The following EXOC4 variants were observed in gnomAD, a reference collection of about 807,000 sequenced individuals.
EXOC4 encodes exocyst complex component 4.
A neutral mutation model predicts 107.2 loss-of-function variants in EXOC4; 71 were observed. The ratio of observed to expected loss-of-function variants is 0.66; its 90% CI spans 0.55 to 0.81. The LOEUF (loss-of-function observed/expected upper bound fraction) is 0.81. Among genes scored for constraint, EXOC4 ranks in the 30% least tolerant of loss-of-function variants. The pLI is 0.00. For missense variants in EXOC4, 1,108 were observed against 1,189.6 expected (o/e 0.93, Z 1.01); for synonymous variants, 456 against 441.2 (o/e 1.03, Z -0.42).
chr7:133,814,648 A>G (rs1460986648), intron 10 of EXOC4, among the ~76,000 whole-genome samples: 5 of 152,208 alleles, frequency 3.3e-5, no homozygotes, highest in Admixed American at 1.3e-4. Flanking sequence ...TCAGTAATAT[A>G]TGAGAATGCC....
At chr7:133,903,950 G>C (rs115167548) in intron 12 of EXOC4, among the ~76,000 whole-genome samples, 1,746 of 152,282 alleles carry the variant, frequency 0.011, 27 homozygotes, top group African/African-American at 0.04. Context: ...CGGACTGAGT[G>C]ATAAATGTAG....
intron 17 of EXOC4, among the ~76,000 whole-genome samples, chr7:134,033,021 GA>G (rs1795302855): frequency 6.6e-6 from 1 of 152,180 alleles, no homozygotes; most frequent in South Asian, 2.1e-4. Context: ...AACTGAGAAA[GA>G]ATAGGAGGAT....
intron 10 of EXOC4, among the ~76,000 whole-genome samples, chr7:133,789,341 G>A (rs562723192): frequency 5.3e-5 from 8 of 152,276 alleles, no homozygotes; most frequent in South Asian, 2.1e-4. Flanking sequence ...CATTTAGTGC[G>A]ACTTTGCATT....
chr7:133,561,472 G>A (rs1337670312), intron 9 of EXOC4, among the ~76,000 whole-genome samples: 2 of 152,138 alleles, frequency 1.3e-5, no homozygotes, highest in Non-Finnish European at 2.9e-5. Context: ...TGCGGAAAAG[G>A]TCCTGAAAAC....
intron 2 of EXOC4, among the ~76,000 whole-genome samples, chr7:133,282,727 T>C: frequency 6.6e-6 from 1 of 152,330 alleles, no homozygotes; most frequent in East Asian, 1.9e-4. Flanking sequence ...GTGGAATGGC[T>C]AAACCAAGCT....
At chr7:133,627,276 T>C (rs1802478569) in intron 9 of EXOC4, among the ~76,000 whole-genome samples, 1 of 152,160 alleles carries the variant, frequency 6.6e-6, no homozygotes, top group African/African-American at 2.4e-5. Context: ...GGTAGCGCAG[T>C]GTGGCTGAGG....
In EXOC4 at chr7:133,347,317, C is replaced by G. The variant is rs563927898; in HGVS notation, c.764-9013C>G. 7.3e-4 allele frequency among the ~76,000 whole-genome samples: 110 copies of G among 150,718 alleles called. 1 individual carries two copies. The highest frequency in any genetic ancestry group is 2.5e-3 in the African/African-American group (101 of 40,900). On this transcript the variant is annotated intron_variant, in intron 5 of 17. Coordinates refer to ENST00000253861, the MANE Select transcript of EXOC4 (RefSeq NM_021807.4). ...AGAGTGCAGTGGTGCGATCTTGGCT[C>G]ACTGCAACCTCCGCCTCCTGGGTTC...
chr7:134,037,713 C>A (rs1304939841), intron 17 of EXOC4, among the ~76,000 whole-genome samples: 1 of 152,164 alleles, frequency 6.6e-6, no homozygotes, highest in Non-Finnish European at 1.5e-5. Context: ...GTCATCTTTC[C>A]AGTTCCTTCT....
chr7:133,676,541 A>G (rs1362174519), intron 10 of EXOC4, among the ~76,000 whole-genome samples: 2 of 152,032 alleles, frequency 1.3e-5, no homozygotes, highest in Non-Finnish European at 2.9e-5. Context: ...GTCTCTTTTC[A>G]TGTGTAGGAA....
intron 17 of EXOC4, among the ~76,000 whole-genome samples, chr7:134,047,198 A>G (rs6965549): frequency 0.012 from 1,796 of 152,334 alleles, 26 homozygotes; most frequent in African/African-American, 0.04. Flanking sequence ...AAATAGAGGC[A>G]TTAAACTTGC....
chr7:133,582,880 T>C (rs1563116075), intron 9 of EXOC4, among the ~76,000 whole-genome samples: 1 of 151,952 alleles, frequency 6.6e-6, no homozygotes, highest in East Asian at 1.9e-4. Flanking sequence ...TTCATGGGGG[T>C]TTTGAAAAGT....
Position 133,720,096 on chromosome 7 carries a change from A to G in EXOC4, c.1514+89955A>G, listed in dbSNP as rs1386959210. Among the ~76,000 whole-genome samples, 3 of 152,090 alleles carry G rather than the reference A, an allele frequency of 2.0e-5. No individual in the cohort carries two copies. In the East Asian group the frequency reaches 5.8e-4, roughly 29 times the overall value. On this transcript the variant is annotated intron_variant, in intron 10 of 17. Coordinates refer to ENST00000253861, the MANE Select transcript of EXOC4 (RefSeq NM_021807.4). ...TTTTCTCACTGTATTACCAGTTCCT[A>G]TCTCGTTAACTAGAATAGTCTTTCA...
At chr7:134,085,807 CA>C in the EXOC4 span, among the ~76,000 whole-genome samples, 1 of 152,124 alleles carries the variant, frequency 6.6e-6, no homozygotes, top group Non-Finnish European at 1.5e-5. Flanking sequence ...CCAGTTGGGG[CA>C]AATGGGAGCC....
chr7:134,042,153 C>T (rs1795536100), intron 17 of EXOC4, among the ~76,000 whole-genome samples: 1 of 152,122 alleles, frequency 6.6e-6, no homozygotes, highest in Non-Finnish European at 1.5e-5. Flanking sequence ...CAGGAGGATA[C>T]CTGGGAAAAA....
At chr7:133,562,366 C>G (rs867613504) in intron 9 of EXOC4, among the ~76,000 whole-genome samples, 1 of 152,142 alleles carries the variant, frequency 6.6e-6, no homozygotes, top group African/African-American at 2.4e-5. Flanking sequence ...CATGGTGTTG[C>G]TCTGGTTCCT....
intron 4 of EXOC4, among the ~76,000 whole-genome samples, chr7:133,308,585 T>C (rs772283634): frequency 6.6e-5 from 10 of 152,106 alleles, no homozygotes; most frequent in Non-Finnish European, 1.3e-4. Context: ...TACTTTATTA[T>C]GGCAGTGGGA....
intron 9 of EXOC4, among the ~76,000 whole-genome samples, chr7:133,561,884 C>G (rs1456450412): frequency 2.0e-5 from 3 of 152,256 alleles, no homozygotes; most frequent in Non-Finnish European, 4.4e-5. Context: ...AAATAGGCTC[C>G]TGCCACCCGC....
intron 10 of EXOC4, among the ~76,000 whole-genome samples, chr7:133,645,060 A>C (rs1802954633): frequency 7.0e-6 from 1 of 142,724 alleles, no homozygotes; most frequent in Admixed American, 7.0e-5. Flanking sequence ...CCTCAGCAAC[A>C]TCTTTTCTGG....
intron 1 of EXOC4, among the ~76,000 whole-genome samples, chr7:133,260,890 A>C (rs1562992330): frequency 1.3e-5 from 2 of 151,956 alleles, no homozygotes; most frequent in African/African-American, 2.4e-5. Context: ...AGTTCATGGA[A>C]TGTTGATGTT....
Sources: allele counts gnomAD v4.1 joint callset (sites outside exome capture counted in the v4.1 genomes callset), GRCh38; gene constraint gnomAD v4.1.1; transcripts MANE v1.5; gene names NCBI Gene and HGNC (gene_info 2026-07-23, HGNC 2026-07-21).